The following CADM1 variants were observed in gnomAD, a reference collection of about 807,000 sequenced individuals.
CADM1 encodes cell adhesion molecule 1, also known as TSLC-1.
A neutral mutation model predicts 53.1 loss-of-function variants in CADM1; 15 were observed. The observed-to-expected ratio is 0.28, with a 90% confidence interval of 0.19 to 0.44. The LOEUF (loss-of-function observed/expected upper bound fraction) is 0.44, where lower values mean the gene tolerates loss of function less well. Among genes scored for constraint, CADM1 ranks in the 20% least tolerant of loss-of-function variants. The pLI is 1.00. For missense variants in CADM1, 434 were observed against 611.3 expected, an observed-to-expected ratio of 0.71 and a Z score of 3.06; for synonymous variants, 281 against 243.0, an observed-to-expected ratio of 1.16 and a Z score of -1.45.
rs1942861660 is a variant in CADM1 at position 115,258,395 on chromosome 11, A to G, written c.125-17975T>C. On this transcript the variant is annotated intron_variant, in intron 1 of 11. Coordinates refer to ENST00000331581, the MANE Select transcript of CADM1 (RefSeq NM_001301043.2). ...AAGGTTACTGCCAGCAGATGCTAGG[A>G]ATCAATACAGTTCTTATCTGTCACA... Among the ~76,000 whole-genome samples, 3 of 152,228 alleles carry G rather than the reference A, an allele frequency of 2.0e-5. No homozygotes were observed. In the South Asian group the frequency reaches 6.2e-4, roughly 31 times the overall value.
chr11:115,292,473 G>C (rs1287523404), intron 1 of CADM1, among the ~76,000 whole-genome samples: 2 of 152,140 alleles, frequency 1.3e-5, no homozygotes, highest in Non-Finnish European at 2.9e-5. Flanking sequence ...GGGGAAGCAC[G>C]GCACATCCTT....
At chr11:115,211,958 T>TTTGTGCAAATCACACACTTTCAATTATC (rs1391562966) in intron 7 of CADM1, among the ~76,000 whole-genome samples, 1 of 152,164 alleles carries the variant, frequency 6.6e-6, no homozygotes, top group Non-Finnish European at 1.5e-5. Flanking sequence ...TCCCTCCCAT[T>TTTGTGCAAATCACACACTTTCAATTATC]TTGTGCAAAT....
intron 1 of CADM1, among the ~76,000 whole-genome samples, chr11:115,256,220 A>G (rs1281593987): frequency 6.6e-6 from 1 of 152,258 alleles, no homozygotes; most frequent in Non-Finnish European, 1.5e-5. Context: ...TATCTTACCC[A>G]TTACAACAGG....
chr11:115,397,942 A>C (rs927481019), intron 1 of CADM1, among the ~76,000 whole-genome samples: 1 of 152,154 alleles, frequency 6.6e-6, no homozygotes, highest in Admixed American at 6.5e-5. Context: ...ATATTTGGGG[A>C]AATGGGCACA....
At chr11:115,420,827 G>A (rs536170905) in intron 1 of CADM1, among the ~76,000 whole-genome samples, 1 of 152,278 alleles carries the variant, frequency 6.6e-6, no homozygotes, top group African/African-American at 2.4e-5. Flanking sequence ...GCTGCTGTAG[G>A]ATGAGGGCCA....
intron 1 of CADM1, chr11:115,257,000 C>CGTA: frequency 2.4e-6 from 1 of 415,188 alleles, no homozygotes; most frequent in East Asian, 7.2e-5. Flanking sequence ...GTGTGAATTA[C>CGTA]GTACTTCCTG....
Position 115,231,547 on chromosome 11 carries a change from A to G in CADM1, c.425-57T>C, listed in dbSNP as rs1342610237. ...CAGAATGCATTTTTGCATTGTTGCT[A>G]TCAAAAAGGAGAAAAACAGTAGACA... On this transcript the variant is annotated intron_variant, in intron 3 of 11. Transcript: ENST00000331581. The G allele has an allele frequency of 2.6e-6, 4 of 1,539,450 alleles. 1 individual carries two copies. The highest frequency in any genetic ancestry group is 2.2e-5 in the South Asian group (2 of 89,646).
At chr11:115,231,026 C>T (rs1030566849) in intron 4 of CADM1, among the ~76,000 whole-genome samples, 1 of 152,140 alleles carries the variant, frequency 6.6e-6, no homozygotes, top group Admixed American at 6.5e-5. Context: ...AAGGTACAGA[C>T]AGAGACAGCC....
At chr11:115,202,436 T>C (rs1940476806) in intron 8 of CADM1, among the ~76,000 whole-genome samples, 1 of 152,106 alleles carries the variant, frequency 6.6e-6, no homozygotes, top group African/African-American at 2.4e-5. Context: ...ACCTTAAATA[T>C]TTTTTCCCCC....
Position 115,176,601 on chromosome 11 carries a change from T to C in CADM1, c.1298-9A>G. 1.2e-6 allele frequency: 2 copies of C among 1,612,150 alleles called. No individual in the cohort carries two copies. The highest frequency in any genetic ancestry group is 1.3e-5 in the African/African-American group (1 of 74,954). The stretch of plus-strand genomic sequence containing the variant: ...ATGAGTGAAGTATGTACCTGAAAGA[T>C]GAAGGGGTAAAGCACCGTGACTGTC... On this transcript the variant is annotated splice_polypyrimidine_tract_variant and intron_variant, in intron 11 of 11. Transcript: ENST00000331581.
chr11:115,280,582 TAGA>T (rs1016046472), intron 1 of CADM1, among the ~76,000 whole-genome samples: 4 of 152,184 alleles, frequency 2.6e-5, no homozygotes, highest in African/African-American at 7.2e-5. Flanking sequence ...CCTGTAGGCA[TAGA>T]AGAAGAAAAA....
intron 2 of CADM1, among the ~76,000 whole-genome samples, chr11:115,238,854 G>A (rs1270021772): frequency 6.6e-6 from 1 of 151,784 alleles, no homozygotes; most frequent in African/African-American, 2.4e-5. Flanking sequence ...GTGTATGTGT[G>A]CGTGTGCATA....
At chr11:115,424,027 T>C (rs1947825872) in intron 1 of CADM1, among the ~76,000 whole-genome samples, 1 of 152,158 alleles carries the variant, frequency 6.6e-6, no homozygotes, top group Non-Finnish European at 1.5e-5. Context: ...TGAATGGGAG[T>C]ACCAGGGGAT....
chr11:115,306,046 T>C (rs1342438620), intron 1 of CADM1, among the ~76,000 whole-genome samples: 2 of 114,560 alleles, frequency 1.7e-5, no homozygotes, highest in Non-Finnish European at 3.8e-5. Flanking sequence ...AAATTTTAAT[T>C]AAGGGATATT....
chr11:115,186,971 G>C lies in CADM1; in HGVS notation c.1165+3917C>G, dbSNP rs145366868. On this transcript the variant is annotated intron_variant, in intron 10 of 11. Coordinates refer to ENST00000331581, the MANE Select transcript of CADM1 (RefSeq NM_001301043.2). The stretch of plus-strand genomic sequence containing the variant: ...TGGTCTTGTTCACTGCAGCATCCCT[G>C]GTGCCCAGCCCAGAGCCCAGCACAA... Among the ~76,000 whole-genome samples the C allele has an allele frequency of 6.6e-3, 1,004 of 152,252 alleles. 3 individuals are homozygous for C. Among genetic ancestry groups the C allele is most frequent in the Middle Eastern group, 0.014 (4 of 294 alleles).
intron 5 of CADM1, among the ~76,000 whole-genome samples, chr11:115,221,436 G>A (rs1941402172): frequency 1.3e-5 from 2 of 152,106 alleles, no homozygotes; most frequent in Non-Finnish European, 2.9e-5. Flanking sequence ...CACTACAGTA[G>A]CAACCAATTA....
At chr11:115,332,871 T>TG (rs1945168377) in intron 1 of CADM1, among the ~76,000 whole-genome samples, 1 of 151,994 alleles carries the variant, frequency 6.6e-6, no homozygotes, top group South Asian at 2.1e-4. Flanking sequence ...ATACAGAGAA[T>TG]GGGGGGAAAA....
chr11:115,230,642 C>T (rs1471515131), intron 4 of CADM1, among the ~76,000 whole-genome samples: 2 of 152,160 alleles, frequency 1.3e-5, no homozygotes, highest in Non-Finnish European at 2.9e-5. Flanking sequence ...ATCCAGGACC[C>T]GAACCCGGGA....
intron 1 of CADM1, among the ~76,000 whole-genome samples, chr11:115,315,655 A>C (rs920481888): frequency 7.3e-4 from 102 of 140,226 alleles, no homozygotes; most frequent in Non-Finnish European, 8.5e-4. Flanking sequence ...AACACACATC[A>C]CATATGTTTA....
Sources: allele counts gnomAD v4.1 joint callset (sites outside exome capture counted in the v4.1 genomes callset), GRCh38; gene constraint gnomAD v4.1.1; transcripts MANE v1.5; gene names NCBI Gene and HGNC (gene_info 2026-07-23, HGNC 2026-07-21).